Variants in ATP6V0A4 observed in about 807,000 individuals in gnomAD.
The protein encoded by ATP6V0A4 is ATPase H+ transporting V0 subunit a4.
ATP6V0A4 carries 86 observed loss-of-function variants against 107.3 expected under a neutral mutation model. The ratio of observed to expected loss-of-function variants is 0.80; its 90% CI spans 0.67 to 0.96. The LOEUF (loss-of-function observed/expected upper bound fraction) is 0.96. Among genes scored for constraint, ATP6V0A4 ranks in the 40% least tolerant of loss-of-function variants. The probability of loss-of-function intolerance (pLI) is 0.00; values close to 1 mark genes in which losing one functional copy is unlikely to be tolerated. For missense variants in ATP6V0A4, 908 were observed against 1,045.6 expected (o/e 0.87, Z 1.81); for synonymous variants, 353 against 381.4 (o/e 0.93, Z 0.87).
At chr7:138,733,445 T>C (rs1331631043) in intron 16 of ATP6V0A4, among the ~76,000 whole-genome samples, 3 of 151,966 alleles carry the variant, frequency 2.0e-5, no homozygotes, top group African/African-American at 7.3e-5. Context: ...GGCAAGAGGA[T>C]ATATAATGGG....
At chr7:138,756,694 C>T in intron 8 of ATP6V0A4, 154 bp from the exon 9 acceptor site, 1 of 631,676 alleles carries the variant, frequency 1.6e-6, no homozygotes, top group Non-Finnish European at 2.0e-6. Context: ...AAGTTCATAG[C>T]TCACAGTTGA....
At chr7:138,755,922 G>T in intron 9 of ATP6V0A4, 140 bp from the exon 10 acceptor site, 1 of 1,469,556 alleles carries the variant, frequency 6.8e-7, no homozygotes, top group Non-Finnish European at 9.2e-7. Context: ...TTGGCCACTG[G>T]AAAAGGAGTC....
At chr7:138,772,477 G>A (rs1191593975) in intron 2 of ATP6V0A4, among the ~76,000 whole-genome samples, 1 of 152,088 alleles carries the variant, frequency 6.6e-6, no homozygotes, top group Admixed American at 6.6e-5. Context: ...GGAATGGTGC[G>A]AGTTAGGTTA....
chr7:138,771,398 G>T, intron 2 of ATP6V0A4, 134 bp from the exon 3 acceptor site: 31 of 886,510 alleles, frequency 3.5e-5, no homozygotes, highest in Non-Finnish European at 4.0e-5. Context: ...GATTTTAGGA[G>T]ACTTTTTTTT....
chr7:138,749,608 T>C lies in ATP6V0A4; in HGVS notation c.1030-291A>G, dbSNP rs77217920. Reference sequence around the variant, plus strand: ...GAATGTTATGACTCCTGGCCCTCTATGCTTTCCTCCTCTCCACTTTCTCAA... The same window carrying C: ...GAATGTTATGACTCCTGGCCCTCTACGCTTTCCTCCTCTCCACTTTCTCAA... On this transcript the variant is annotated intron_variant, in intron 11 of 21. Coordinates refer to ENST00000310018, the MANE Select transcript of ATP6V0A4 (RefSeq NM_020632.3). Among the ~76,000 whole-genome samples the C allele has an allele frequency of 6.4e-4, 98 of 152,282 alleles. 2 individuals carry two copies. The East Asian group carries it at 0.017, about 27-fold the overall frequency.
rs553541268 is a variant in ATP6V0A4, at chr7:138,744,541, C to G, written c.1478+582G>C. Among the ~76,000 whole-genome samples, 5 of 148,538 alleles carry G rather than the reference C, an allele frequency of 3.4e-5. No homozygotes were observed. In the East Asian group the frequency reaches 1.0e-3, roughly 31 times the overall value. ...GCGTAAGCCACCGTGCCCAGCCTCT[C>G]ATTTGCTTTTGAGACAGCATCTTGC... On this transcript the variant is annotated intron_variant, in intron 14 of 21. Transcript: ENST00000310018.
At chr7:138,746,858 ACT>A (rs1241849203) in intron 13 of ATP6V0A4, among the ~76,000 whole-genome samples, 10 of 152,030 alleles carry the variant, frequency 6.6e-5, no homozygotes, top group Non-Finnish European at 1.2e-4. Flanking sequence ...CCTTCACAGC[ACT>A]CTGCAAAGGT....
chr7:138,749,119 A>G, intron 12 of ATP6V0A4, 48 bp downstream of exon 12: 2 of 1,610,566 alleles, frequency 1.2e-6, no homozygotes, highest in Non-Finnish European at 8.5e-7. Flanking sequence ...CCATCTTACC[A>G]GTTTTCACTT....
intron 19 of ATP6V0A4, among the ~76,000 whole-genome samples, chr7:138,717,413 G>A (rs1039173532): frequency 2.0e-5 from 3 of 152,102 alleles, no homozygotes; most frequent in Non-Finnish European, 4.4e-5. Flanking sequence ...GGGTGTGGTG[G>A]CGTGCACCTG....
chr7:138,724,214 T>TGTGTATAG (rs1804591711), intron 18 of ATP6V0A4, among the ~76,000 whole-genome samples: 1 of 136,576 alleles, frequency 7.3e-6, no homozygotes, highest in African/African-American at 2.8e-5. Context: ...AAAAAAAGTG[T>TGTGTATAG]GTGTATAGGG....
chr7:138,792,076 A>C (rs548420947), intron 1 of ATP6V0A4, among the ~76,000 whole-genome samples: 1 of 152,310 alleles, frequency 6.6e-6, no homozygotes, highest in South Asian at 2.1e-4. Context: ...TGGGAGGCCG[A>C]GGTGGGCAGA....
chr7:138,714,294 G>A (rs1407763169), intron 20 of ATP6V0A4, among the ~76,000 whole-genome samples: 1 of 150,974 alleles, frequency 6.6e-6, no homozygotes, highest in Non-Finnish European at 1.5e-5. Flanking sequence ...TGGGTCTGGA[G>A]TGCTGGGGCA....
intron 10 of ATP6V0A4, among the ~76,000 whole-genome samples, chr7:138,753,268 C>G (rs1447621881): frequency 3.3e-5 from 5 of 152,182 alleles, no homozygotes; most frequent in Non-Finnish European, 5.9e-5. Flanking sequence ...AAGAATACCA[C>G]GTGACAACAG....
rs754335968 is a variant in ATP6V0A4, at chr7:138,759,752, C to T, written c.639G>A (p.Thr213=). 1.2e-6 allele frequency: 2 copies of T among 1,614,096 alleles called. No homozygotes were observed. The highest frequency in any genetic ancestry group is 4.5e-5 in the East Asian group (2 of 44,874). ...AGTTTTTGCAGCCCAAGGTTCCCAC[C>T]GTCACAGGATCCTCCAGAGGGGCGT... is the stretch of plus-strand genomic sequence containing the variant. ...EMDAPLEDPV[T]KEEIQKNIFI... Residue 213 remains threonine, a splice_region_variant and synonymous_variant, in exon 8 of 22, where the codon ACG becomes ACA. Coordinates refer to ENST00000310018, the MANE Select transcript of ATP6V0A4 (RefSeq NM_020632.3).
chr7:138,724,237 A>G (rs2117218283), intron 18 of ATP6V0A4, among the ~76,000 whole-genome samples: 1 of 151,854 alleles, frequency 6.6e-6, no homozygotes, highest in South Asian at 2.1e-4. Context: ...TCTAGCTTAA[A>G]AAATAAATCT....
chr7:138,781,408 G>A (rs1459450739), intron 2 of ATP6V0A4, among the ~76,000 whole-genome samples: 1 of 151,464 alleles, frequency 6.6e-6, no homozygotes, highest in East Asian at 1.9e-4. Context: ...TTGGCTCGCT[G>A]CAGCCTCCAC....
intron 18 of ATP6V0A4, among the ~76,000 whole-genome samples, chr7:138,722,880 G>A (rs1005656136): frequency 1.1e-4 from 16 of 150,552 alleles, no homozygotes; most frequent in African/African-American, 3.9e-4. Context: ...TCAACATAGC[G>A]AGATTCCATC....
chr7:138,749,739 G>A (rs137881234), intron 11 of ATP6V0A4, among the ~76,000 whole-genome samples: 1 of 152,082 alleles, frequency 6.6e-6, no homozygotes, highest in African/African-American at 2.4e-5. Flanking sequence ...AAATCCAGGA[G>A]TCTAATCCTG....
At chr7:138,781,568 G>T (rs1807922761) in intron 2 of ATP6V0A4, among the ~76,000 whole-genome samples, 2 of 152,128 alleles carry the variant, frequency 1.3e-5, no homozygotes, top group Non-Finnish European at 2.9e-5. Flanking sequence ...CTAACCTCGT[G>T]ATCCACCCAC....
Sources: allele counts gnomAD v4.1 joint callset (sites outside exome capture counted in the v4.1 genomes callset), GRCh38; gene constraint gnomAD v4.1.1; transcripts MANE v1.5; gene names NCBI Gene and HGNC (gene_info 2026-07-23, HGNC 2026-07-21).